The following PCDHA3 variants were observed in gnomAD, a reference collection of about 807,000 sequenced individuals.
PCDHA3 encodes the protein protocadherin alpha-3.
Under a neutral mutation model 62.2 loss-of-function variants are expected in PCDHA3, and 41 were observed. That is an observed-to-expected ratio of 0.66 (90% CI 0.51 to 0.86). PCDHA3 has a LOEUF of 0.86. Among genes scored for constraint, PCDHA3 ranks in the 40% least tolerant of loss-of-function variants. The probability of loss-of-function intolerance (pLI) is 0.00; values close to 1 mark genes in which losing one functional copy is unlikely to be tolerated. For missense variants in PCDHA3, 1,304 were observed against 1,241.2 expected (o/e 1.05, Z -0.76); for synonymous variants, 640 against 555.4 (o/e 1.15, Z -2.14).
At chr5:140,980,835 T>A (rs2096907301) in intron 2 of PCDHA3, among the ~76,000 whole-genome samples, 1 of 152,220 alleles carries the variant, frequency 6.6e-6, no homozygotes, top group South Asian at 2.1e-4. Flanking sequence ...GTTGTGAACC[T>A]AAATAATACT....
chr5:140,823,025 T>G, intron 1 of PCDHA3: 1 of 1,614,218 alleles, frequency 6.2e-7, no homozygotes, highest in Non-Finnish European at 8.5e-7. Flanking sequence ...CGCGAGAGCG[T>G]GTCGGTCTAT....
At position 140,829,969 on chromosome 5, in the gene PCDHA3, G is replaced by A. The variant is rs144012634; in HGVS notation, c.2394+26378G>A. The A allele has an allele frequency of 1.9e-4, 306 of 1,614,010 alleles. 1 individual carries two copies. The African/African-American group carries it at 3.5e-3, about 18-fold the overall frequency. On this transcript the variant is annotated intron_variant, in intron 1 of 3. Coordinates refer to ENST00000522353, the MANE Select transcript of PCDHA3 (RefSeq NM_018906.3). The stretch of plus-strand genomic sequence containing the variant: ...CTCGCTTCCCGTTTCGCGTGGGGCT[G>A]TACACGGGCGAGATCAGCACCACTC...
chr5:140,827,773 CG>C (rs1439056383), intron 1 of PCDHA3, among the ~76,000 whole-genome samples: 1 of 152,120 alleles, frequency 6.6e-6, no homozygotes, highest in Non-Finnish European at 1.5e-5. Context: ...TAAAAGAAGT[CG>C]GGATAACACT....
intron 1 of PCDHA3, chr5:140,858,154 C>G (rs781842183): frequency 1.3e-6 from 2 of 1,597,814 alleles, no homozygotes; most frequent in African/African-American, 1.3e-5. Context: ...TCATCGCCAT[C>G]TGCGCGGTGT....
intron 1 of PCDHA3, among the ~76,000 whole-genome samples, chr5:140,885,128 T>A (rs2060480813): frequency 6.6e-6 from 1 of 152,222 alleles, no homozygotes; most frequent in Non-Finnish European, 1.5e-5. Context: ...CTTTTCTTTC[T>A]TTCTTTTTTT....
At chr5:140,832,646 A>T (rs141278447) in intron 1 of PCDHA3, among the ~76,000 whole-genome samples, 20 of 152,312 alleles carry the variant, frequency 1.3e-4, no homozygotes, top group African/African-American at 4.3e-4. Context: ...GAGGGTCTTT[A>T]AGAGTATCAC....
chr5:140,985,283 A>G (rs955144760), intron 3 of PCDHA3, among the ~76,000 whole-genome samples: 6 of 152,020 alleles, frequency 3.9e-5, no homozygotes, highest in Admixed American at 1.3e-4. Context: ...TCTGCAATCT[A>G]TGATATAGTG....
At chr5:140,831,200 C>T (rs1157028423) in intron 1 of PCDHA3, 2 of 152,180 alleles carry the variant, frequency 1.3e-5, no homozygotes, top group African/African-American at 4.8e-5. Context: ...ACCTTGTGAT[C>T]AAGTAAATTT....
At position 140,915,045 on chromosome 5, in the gene PCDHA3, A is replaced by G. The variant is rs989835419; in HGVS notation, c.2395-63904A>G. 2.0e-5 allele frequency among the ~76,000 whole-genome samples: 3 copies of G among 151,216 alleles called. No homozygotes were observed. In the East Asian group the frequency reaches 5.8e-4, roughly 29 times the overall value. On this transcript the variant is annotated intron_variant, in intron 1 of 3. Transcript: ENST00000522353. ...ACTGCAACTTCTGCCTCCTGGGTTC[A>G]AGCGATTCTCCTGCCTTAGCCTACT...
intron 1 of PCDHA3, chr5:140,822,888 C>G: frequency 6.2e-7 from 1 of 1,614,234 alleles, no homozygotes; most frequent in Non-Finnish European, 8.5e-7. Context: ...TTGCTCTGAT[C>G]AGCGTGTCTG....
intron 1 of PCDHA3, chr5:140,883,813 C>CA (rs2059834466): frequency 6.2e-7 from 1 of 1,612,382 alleles, no homozygotes; most frequent in Non-Finnish European, 8.5e-7. Context: ...CGGAGAGCGG[C>CA]AAGGTGTACG....
chr5:140,829,182 A>G (rs2150163580), intron 1 of PCDHA3: 1 of 1,614,190 alleles, frequency 6.2e-7, no homozygotes, highest in Non-Finnish European at 8.5e-7. Context: ...GAAGACGCTC[A>G]ATTTGGTACT....
Position 140,802,983 on chromosome 5 carries a change from G to A in PCDHA3, c.1786G>A (p.Ala596Thr). 1.9e-6 allele frequency: 3 copies of A among 1,614,026 alleles called. No homozygotes were observed. Among genetic ancestry groups the A allele is most frequent in the Admixed American group, 1.7e-5 (1 of 60,028 alleles). ...GGGCCACGTGGTAGCGAAGGTGCGC[G>A]CAGTGGATGCAGACTCAGGCTACAA... ...GAGHVVAKVR[A>T]VDADSGYNAW... Residue 596 changes from alanine (A) to threonine (T), a missense_variant, in exon 1 of 4, where the codon GCA becomes ACA. Coordinates refer to ENST00000522353, the MANE Select transcript of PCDHA3 (RefSeq NM_018906.3).
chr5:140,927,481 G>T, intron 1 of PCDHA3: 1 of 1,614,072 alleles, frequency 6.2e-7, no homozygotes, highest in Non-Finnish European at 8.5e-7. Context: ...CGAACAGCGC[G>T]CCACCCACCT....
At chr5:140,808,919 A>G in intron 1 of PCDHA3, 4 of 1,613,638 alleles carry the variant, frequency 2.5e-6, no homozygotes, top group Non-Finnish European at 3.4e-6. Flanking sequence ...TGGCGCAGTG[A>G]GCGAGCTGGT....
At chr5:140,834,361 G>C in intron 1 of PCDHA3, 1 of 1,551,090 alleles carries the variant, frequency 6.4e-7, no homozygotes, top group Non-Finnish European at 8.7e-7. Context: ...TTGCTGACTA[G>C]AAAAACAAGC....
Position 140,968,423 on chromosome 5 carries a change from G to A in PCDHA3, c.2395-10526G>A, listed in dbSNP as rs782235507. The A allele has an allele frequency of 1.9e-6, 3 of 1,614,028 alleles. No homozygotes were observed. The South Asian group carries it at 3.3e-5, about 18-fold the overall frequency. On this transcript the variant is annotated intron_variant, in intron 1 of 3. Transcript: ENST00000522353. ...GTTCTTTGTGACTGTGGAGGCTCAG[G>A]ACAAGGGGAGCCCACCACTGAGCAG...
At chr5:140,809,015 G>A (rs1764332857) in intron 1 of PCDHA3, 9 of 1,613,708 alleles carry the variant, frequency 5.6e-6, no homozygotes, top group East Asian at 2.2e-5. Context: ...GCTTTCGTAC[G>A]AGCTGCAGCC....
At position 140,834,719 on chromosome 5, in the gene PCDHA3, G is replaced by A. The variant is rs141120342; in HGVS notation, c.2394+31128G>A. On this transcript the variant is annotated intron_variant, in intron 1 of 3. Coordinates refer to ENST00000522353, the MANE Select transcript of PCDHA3 (RefSeq NM_018906.3). ...TCCACCTGGAGGTGATCGTGGAAAG[G>A]CCGCTGCAGGTTTTCCATGTGGACG... 8.2e-5 allele frequency: 132 copies of A among 1,614,242 alleles called. No homozygotes were observed. In the African/African-American group the frequency reaches 1.7e-3, roughly 21 times the overall value.
Sources: allele counts gnomAD v4.1 joint callset (sites outside exome capture counted in the v4.1 genomes callset), GRCh38; gene constraint gnomAD v4.1.1; transcripts MANE v1.5; gene names NCBI Gene and HGNC (gene_info 2026-07-23, HGNC 2026-07-21).